Variants in RASGRF2 observed in about 807,000 individuals in gnomAD.
The protein encoded by RASGRF2 is ras-specific guanine nucleotide-releasing factor 2.
RASGRF2 carries 76 observed loss-of-function variants against 151.0 expected under a neutral mutation model. That is an observed-to-expected ratio of 0.50 (90% CI 0.42 to 0.61). The LOEUF (loss-of-function observed/expected upper bound fraction) is 0.61. RASGRF2 is among the 20% of genes least tolerant of loss of function. The pLI is 0.00. For missense variants in RASGRF2, 1,148 were observed against 1,564.6 expected (o/e 0.73, Z 4.49); for synonymous variants, 504 against 566.5 (o/e 0.89, Z 1.57).
chr5:81,112,954 C>A, intron 14 of RASGRF2, 96 bp downstream of exon 14: 2 of 1,487,506 alleles, frequency 1.3e-6, no homozygotes, highest in South Asian at 2.5e-5. Context: ...TGCAAAGCAG[C>A]TCCTAGGGTG....
In RASGRF2 at chr5:81,112,643, C is replaced by T. The variant is rs1753029214; in HGVS notation, c.1872C>T (p.Asp624=). 6.2e-7 allele frequency: 1 copy of T among 1,614,224 alleles called. No individual in the cohort carries two copies. The highest frequency in any genetic ancestry group is 8.5e-7 in the Non-Finnish European group (1 of 1,180,038). The change falls in exon 14 of 27, where the codon GAC becomes GAT. Residue 624 remains aspartate, a synonymous_variant. Transcript: ENST00000265080. ...CCCGTCTTCATAAAGACGACACTGA[C>T]ATTTGCTTCAGTAAAACACTCAACT... ...SDARLHKDDT[D]ICFSKTLNSC...
chr5:81,126,890 C>T (rs1753470334), intron 16 of RASGRF2, among the ~76,000 whole-genome samples, 184 bp from the exon 17 acceptor site: 1 of 152,002 alleles, frequency 6.6e-6, no homozygotes, highest in African/African-American at 2.4e-5. Context: ...GCTTTCTTTT[C>T]TCTTGGTTAT....
chr5:80,961,110 G>T, intron 1 of RASGRF2, 84 bp downstream of exon 1: 1 of 1,369,488 alleles, frequency 7.3e-7, no homozygotes, highest in South Asian at 1.7e-5. Context: ...AGGGGTCGGG[G>T]GTCGTGAAAG....
intron 6 of RASGRF2, 139 bp downstream of exon 6, chr5:81,080,339 C>T (rs1003961290): frequency 6.8e-7 from 1 of 1,462,436 alleles, no homozygotes; most frequent in Non-Finnish European, 9.0e-7. Context: ...GACCCTGTCT[C>T]CTTGCCTTTT....
intron 1 of RASGRF2, among the ~76,000 whole-genome samples, chr5:80,991,437 A>G (rs1005872468): frequency 1.3e-5 from 2 of 152,206 alleles, no homozygotes; most frequent in African/African-American, 4.8e-5. Context: ...ATAAATAAAT[A>G]AATAGCAGAA....
At chr5:81,205,233 CAGACAGCCGAGG>C (rs1755479069) in intron 19 of RASGRF2, among the ~76,000 whole-genome samples, 1 of 152,208 alleles carries the variant, frequency 6.6e-6, no homozygotes, top group African/African-American at 2.4e-5. Context: ...GCTCCCCCTT[CAGACAGCCGAGG>C]GAAGGGAGTT....
chr5:81,112,603 C>T lies in RASGRF2; in HGVS notation c.1839-7C>T. 4.3e-6 allele frequency: 7 copies of T among 1,614,040 alleles called. No individual in the cohort carries two copies. Among genetic ancestry groups the T allele is most frequent in the South Asian group, 1.1e-5 (1 of 91,058 alleles). The stretch of plus-strand genomic sequence containing the variant: ...TTTTACCATCATGTTCCTGCCTTTG[C>T]ACGTAGGTCTGATGCCCGTCTTCAT... On this transcript the variant is annotated splice_polypyrimidine_tract_variant and splice_region_variant and intron_variant, in intron 13 of 26. Coordinates refer to ENST00000265080, the MANE Select transcript of RASGRF2 (RefSeq NM_006909.3).
chr5:81,048,814 G>T (rs779261078), intron 2 of RASGRF2, among the ~76,000 whole-genome samples: 1 of 151,686 alleles, frequency 6.6e-6, no homozygotes, highest in Non-Finnish European at 1.5e-5. Context: ...TTTATTCCTC[G>T]CTCCTTACCT....
intron 18 of RASGRF2, among the ~76,000 whole-genome samples, chr5:81,199,940 T>G (rs188298132): frequency 6.6e-6 from 1 of 151,082 alleles, no homozygotes; most frequent in Admixed American, 6.6e-5. Context: ...CTAACTCATT[T>G]ATTTCTTTGC....
In RASGRF2 at chr5:81,092,906, C is replaced by T. The variant is rs1418205976; in HGVS notation, c.1496C>T (p.Thr499Ile). 1 of 1,613,030 alleles carries T rather than the reference C, an allele frequency of 6.2e-7. No homozygotes were observed. The highest frequency in any genetic ancestry group is 1.1e-5 in the South Asian group (1 of 91,030). ...KEGERQCFLF[T>I]KHFLICTRSS... is the part of the protein sequence containing the mutation. ...GGAGAGAGACAATGCTTCTTATTTA[C>T]AAAACACTTTTTAATATGTACAAGA... Residue 499 changes from threonine (T) to isoleucine (I), a missense_variant, in exon 10 of 27, where the codon ACA (threonine) becomes ATA (isoleucine). By Grantham distance (89) the Thr-to-Ile change is moderately conservative (BLOSUM62 -1). Coordinates refer to ENST00000265080, the MANE Select transcript of RASGRF2 (RefSeq NM_006909.3).
chr5:80,991,970 G>T (rs916547911), intron 1 of RASGRF2, among the ~76,000 whole-genome samples: 1 of 152,068 alleles, frequency 6.6e-6, no homozygotes, highest in Non-Finnish European at 1.5e-5. Flanking sequence ...TGACTCTTTG[G>T]ATGAGATGTC....
intron 4 of RASGRF2, among the ~76,000 whole-genome samples, 163 bp downstream of exon 4, chr5:81,070,744 G>C (rs1031485303): frequency 6.6e-6 from 1 of 152,018 alleles, no homozygotes; most frequent in Non-Finnish European, 1.5e-5. Context: ...GGCTACTCTA[G>C]AGAATTTCTG....
At chr5:81,000,779 C>T (rs907935679) in intron 1 of RASGRF2, among the ~76,000 whole-genome samples, 10 of 152,278 alleles carry the variant, frequency 6.6e-5, no homozygotes, top group Middle Eastern at 3.4e-3. Context: ...CATCTCTACA[C>T]GTCAGCCACT....
chr5:81,090,294 A>G (rs1752352997), intron 9 of RASGRF2, among the ~76,000 whole-genome samples: 1 of 152,222 alleles, frequency 6.6e-6, no homozygotes, highest in South Asian at 2.1e-4. Context: ...TGTGGGAATG[A>G]AGTGATTGAA....
chr5:81,008,139 C>CTTTTTTTTTTTTTTTTTTTTT (rs58105434), intron 1 of RASGRF2, among the ~76,000 whole-genome samples: 1 of 85,388 alleles, frequency 1.2e-5, no homozygotes, highest in Non-Finnish European at 2.2e-5. Context: ...TCTTTCTTTC[C>CTTTTTTTTTTTTTTTTTTTTT]TTTTTTTTTT....
intron 18 of RASGRF2, among the ~76,000 whole-genome samples, chr5:81,193,288 G>T (rs1457642582): frequency 2.0e-5 from 3 of 152,204 alleles, no homozygotes; most frequent in Admixed American, 6.5e-5. Context: ...GTTTTAAAGT[G>T]CTAGAAAATC....
intron 20 of RASGRF2, 75 bp from the exon 21 acceptor site, chr5:81,207,171 C>A: frequency 8.1e-7 from 1 of 1,231,698 alleles, no homozygotes; most frequent in Non-Finnish European, 1.2e-6. Flanking sequence ...ATGCAGCTGT[C>A]TGCCTCACTG....
At chr5:81,142,483 A>G (rs1448563990) in intron 17 of RASGRF2, among the ~76,000 whole-genome samples, 4 of 152,220 alleles carry the variant, frequency 2.6e-5, no homozygotes, top group Non-Finnish European at 5.9e-5. Flanking sequence ...AATGACATTC[A>G]GAAGTCTAAG....
chr5:81,198,068 G>A (rs796735087), intron 18 of RASGRF2, among the ~76,000 whole-genome samples: 1 of 151,502 alleles, frequency 6.6e-6, no homozygotes, highest in South Asian at 2.1e-4. Context: ...CATGTTTAAC[G>A]TGTATTCTCT....
Sources: gnomAD v4.1 joint callset for allele counts (sites outside exome capture counted in the v4.1 genomes callset) on GRCh38, gnomAD v4.1.1 for gene constraint, MANE v1.5 for transcripts, NCBI Gene and HGNC (gene_info 2026-07-23, HGNC 2026-07-21) for gene names.